The following NAALADL2 variants were observed in gnomAD, a reference collection of about 807,000 sequenced individuals.
NAALADL2 encodes N-acetylated alpha-linked acidic dipeptidase like 2, also known as inactive N-acetylated-alpha-linked acidic dipeptidase-like protein 2.
NAALADL2 carries 76 observed loss-of-function variants against 87.2 expected under a neutral mutation model. The ratio of observed to expected loss-of-function variants is 0.87; its 90% CI spans 0.72 to 1.05. The LOEUF (loss-of-function observed/expected upper bound fraction) is 1.05. Ranked by LOEUF, NAALADL2 falls within the 50% of genes least tolerant of loss-of-function variation. The probability of loss-of-function intolerance (pLI) is 0.00; values close to 1 mark genes in which losing one functional copy is unlikely to be tolerated. For synonymous variants in NAALADL2, 354 were observed against 331.0 expected, an observed-to-expected ratio of 1.07 and a Z score of -0.75; for missense variants, 1,089 against 945.8, an observed-to-expected ratio of 1.15 and a Z score of -1.99.
chr3:175,101,789 G>C (rs928463470), intron 2 of NAALADL2, among the ~76,000 whole-genome samples: 2 of 150,860 alleles, frequency 1.3e-5, no homozygotes, highest in Non-Finnish European at 3.0e-5. Context: ...GACAGCTGTC[G>C]ATGCTGTGAA....
At chr3:175,174,982 G>A (rs1419895548) in intron 2 of NAALADL2, among the ~76,000 whole-genome samples, 1 of 151,938 alleles carries the variant, frequency 6.6e-6, no homozygotes, top group African/African-American at 2.4e-5. Flanking sequence ...ATTCAATGAA[G>A]ATAATTTGTA....
chr3:175,053,746 C>T (rs918820134), intron 1 of NAALADL2, among the ~76,000 whole-genome samples: 2 of 152,190 alleles, frequency 1.3e-5, no homozygotes, highest in Admixed American at 6.5e-5. Flanking sequence ...TTAACTCCTC[C>T]CGTAAAACAT....
chr3:174,574,300 TC>T (rs1654022995), intron 2 of NAALADL2, among the ~76,000 whole-genome samples: 1 of 152,188 alleles, frequency 6.6e-6, no homozygotes, highest in African/African-American at 2.4e-5. Flanking sequence ...GTTGAAACTT[TC>T]TAACTTATAC....
At chr3:174,578,810 A>G (rs987652345) in intron 2 of NAALADL2, among the ~76,000 whole-genome samples, 2 of 151,948 alleles carry the variant, frequency 1.3e-5, no homozygotes, top group Admixed American at 1.3e-4. Flanking sequence ...ATCAATATAA[A>G]TTATATGAAT....
chr3:174,762,137 A>G (rs951937662), intron 3 of NAALADL2, among the ~76,000 whole-genome samples: 3 of 150,340 alleles, frequency 2.0e-5, no homozygotes, highest in Non-Finnish European at 4.4e-5. Context: ...GTATCTGGGG[A>G]AGTGATTTTT....
At chr3:174,658,570 T>C (rs1725206682) in intron 2 of NAALADL2, among the ~76,000 whole-genome samples, 1 of 152,190 alleles carries the variant, frequency 6.6e-6, no homozygotes, top group Non-Finnish European at 1.5e-5. Context: ...TACAGAACAC[T>C]GTGTGGAAAA....
At chr3:175,071,730 A>C (rs1008655973) in intron 1 of NAALADL2, among the ~76,000 whole-genome samples, 1 of 152,046 alleles carries the variant, frequency 6.6e-6, no homozygotes, top group Non-Finnish European at 1.5e-5. Context: ...TGTTGGAAGG[A>C]AATGATATTG....
At chr3:175,696,323 A>G (rs2149938074) in intron 11 of NAALADL2, among the ~76,000 whole-genome samples, 1 of 152,252 alleles carries the variant, frequency 6.6e-6, no homozygotes, top group Middle Eastern at 3.4e-3. Context: ...AAACTATAAT[A>G]TAGTGAGAAA....
chr3:174,850,162 G>A (rs1229583296), intron 3 of NAALADL2, among the ~76,000 whole-genome samples: 5 of 152,086 alleles, frequency 3.3e-5, no homozygotes, highest in Non-Finnish European at 7.4e-5. Context: ...AATTGTGGTG[G>A]ATATAATATT....
intron 6 of NAALADL2, chr3:175,460,303 T>C (rs1722922909): frequency 1.4e-5 from 6 of 419,512 alleles, no homozygotes; most frequent in Middle Eastern, 6.6e-4. Flanking sequence ...GATGTGAGTA[T>C]GGAATAATAT....
chr3:175,587,554 A>G (rs1038828152), intron 10 of NAALADL2, among the ~76,000 whole-genome samples: 2 of 152,206 alleles, frequency 1.3e-5, no homozygotes, highest in Non-Finnish European at 2.9e-5. Context: ...CATGAATCAA[A>G]TTAAAACACT....
At chr3:175,531,001 C>T (rs1377712224) in intron 9 of NAALADL2, among the ~76,000 whole-genome samples, 1 of 152,066 alleles carries the variant, frequency 6.6e-6, no homozygotes, top group African/African-American at 2.4e-5. Flanking sequence ...TAGAGGCCTC[C>T]ACTGTGATTT....
At chr3:175,773,379 T>G (rs183307126) in intron 13 of NAALADL2, 45 of 152,268 alleles carry the variant, frequency 3.0e-4, no homozygotes, top group African/African-American at 9.9e-4. Flanking sequence ...TATTGGTTAC[T>G]TCTAATTGAT....
chr3:175,039,204 T>C (rs1449066349), intron 1 of NAALADL2, among the ~76,000 whole-genome samples: 1 of 152,214 alleles, frequency 6.6e-6, no homozygotes, highest in African/African-American at 2.4e-5. Context: ...TTTGCTCTTG[T>C]AGCCCATGCT....
rs866189561 is a variant in NAALADL2, at chr3:175,133,531, T to C, written c.545+36240T>C. Among the ~76,000 whole-genome samples the C allele has an allele frequency of 5.8e-3, 879 of 152,056 alleles. 9 individuals carry two copies. Among genetic ancestry groups the C allele is most frequent in the African/African-American group, 0.02 (832 of 41,488 alleles). On this transcript the variant is annotated intron_variant, in intron 2 of 13. Transcript: ENST00000454872. ...AGCTAGGAGCTGGAGACCAGCCCGG[T>C]CAACACAGCGAAACCCCGTCTCCAC...
At chr3:175,041,385 C>T (rs138958291) in intron 1 of NAALADL2, among the ~76,000 whole-genome samples, 11 of 152,218 alleles carry the variant, frequency 7.2e-5, no homozygotes, top group Admixed American at 6.5e-4. Flanking sequence ...AAGTTTTGCT[C>T]ACAGCACCCT....
intron 11 of NAALADL2, among the ~76,000 whole-genome samples, chr3:175,684,846 CAA>C (rs1174790350): frequency 6.6e-6 from 1 of 152,040 alleles, no homozygotes; most frequent in East Asian, 1.9e-4. Context: ...TTGATATGTA[CAA>C]ATCTTTGAGT....
intron 1 of NAALADL2, among the ~76,000 whole-genome samples, chr3:174,936,896 T>C (rs1260664204): frequency 1.3e-5 from 2 of 152,140 alleles, no homozygotes; most frequent in African/African-American, 2.4e-5. Context: ...TGGAAAGATT[T>C]GTTGTCTTGA....
chr3:175,522,297 A>C (rs1386391911), intron 9 of NAALADL2, among the ~76,000 whole-genome samples: 1 of 152,200 alleles, frequency 6.6e-6, no homozygotes, highest in Non-Finnish European at 1.5e-5. Flanking sequence ...GAAAATACTA[A>C]CAAATATTCG....
Sources: allele counts gnomAD v4.1 joint callset (sites outside exome capture counted in the v4.1 genomes callset), GRCh38; gene constraint gnomAD v4.1.1; transcripts MANE v1.5; gene names NCBI Gene and HGNC (gene_info 2026-07-23, HGNC 2026-07-21).